The following EPHA6 variants were observed in gnomAD, a reference collection of about 807,000 sequenced individuals.
The protein encoded by EPHA6 is EPH receptor A6.
A neutral mutation model predicts 112.0 loss-of-function variants in EPHA6; 50 were observed. That is an observed-to-expected ratio of 0.45 (90% CI 0.36 to 0.56). The LOEUF (loss-of-function observed/expected upper bound fraction) is 0.56. EPHA6 is among the 20% of genes least tolerant of loss of function. The pLI is 0.00. For synonymous variants in EPHA6, 529 were observed against 490.7 expected, an observed-to-expected ratio of 1.08 and a Z score of -1.03; for missense variants, 1,280 against 1,417.4, an observed-to-expected ratio of 0.90 and a Z score of 1.56.
chr3:96,997,697 T>C (rs2043473897), intron 3 of EPHA6, among the ~76,000 whole-genome samples: 1 of 152,036 alleles, frequency 6.6e-6, no homozygotes, highest in South Asian at 2.1e-4. Context: ...TCATTGATAA[T>C]ATCTGTTATG....
chr3:96,897,207 T>C (rs909397235), intron 2 of EPHA6, among the ~76,000 whole-genome samples: 9 of 132,700 alleles, frequency 6.8e-5, no homozygotes, highest in African/African-American at 3.3e-4. Flanking sequence ...TCTGTGTATA[T>C]ACAAACACAC....
At chr3:96,949,521 A>G (rs920746821) in intron 2 of EPHA6, among the ~76,000 whole-genome samples, 2 of 152,110 alleles carry the variant, frequency 1.3e-5, no homozygotes, top group Admixed American at 6.6e-5. Flanking sequence ...AAGTATATAT[A>G]TAACATTGCT....
At chr3:96,962,165 C>T (rs1246968935) in intron 2 of EPHA6, among the ~76,000 whole-genome samples, 1 of 152,038 alleles carries the variant, frequency 6.6e-6, no homozygotes, top group African/African-American at 2.4e-5. Context: ...AAAACCCAGC[C>T]TTCACACACA....
intron 1 of EPHA6, among the ~76,000 whole-genome samples, chr3:96,844,290 G>A (rs1461926862): frequency 6.6e-6 from 1 of 151,932 alleles, no homozygotes; most frequent in Non-Finnish European, 1.5e-5. Flanking sequence ...TGAAGTTATT[G>A]TGTACCTCAA....
intron 11 of EPHA6, among the ~76,000 whole-genome samples, chr3:97,544,873 T>A (rs531658535): frequency 4.6e-5 from 7 of 152,320 alleles, no homozygotes; most frequent in African/African-American, 1.4e-4. Context: ...TCTAGTTTAT[T>A]TGCATAGAGG....
At position 97,591,008 on chromosome 3, in the gene EPHA6, A is replaced by G. The variant is rs1177572897; in HGVS notation, c.2387-1604A>G. ...GGAAGTTTGTTGCACTACTCCTTGTAAGTTACCTCGGAGTACTTTCTGACT... is the reference window on the plus strand; with the variant it reads ...GGAAGTTTGTTGCACTACTCCTTGTGAGTTACCTCGGAGTACTTTCTGACT... On this transcript the variant is annotated intron_variant, in intron 11 of 17. Transcript: ENST00000389672. 3.9e-5 allele frequency among the ~76,000 whole-genome samples: 6 copies of G among 152,318 alleles called. No individual in the cohort carries two copies. In the East Asian group the frequency reaches 1.2e-3, roughly 29 times the overall value.
chr3:96,923,665 C>A (rs575685626), intron 2 of EPHA6, among the ~76,000 whole-genome samples: 32 of 152,152 alleles, frequency 2.1e-4, no homozygotes, highest in South Asian at 1.0e-3. Context: ...TCTTCTTTTG[C>A]AGTTACTTTT....
intron 5 of EPHA6, among the ~76,000 whole-genome samples, chr3:97,296,582 G>T (rs2080882411): frequency 6.6e-6 from 1 of 152,180 alleles, no homozygotes; most frequent in South Asian, 2.1e-4. Context: ...ATAAGCAGTT[G>T]GCTCTCAGGC....
intron 16 of EPHA6, among the ~76,000 whole-genome samples, chr3:97,742,118 T>C (rs757017551): frequency 1.7e-4 from 26 of 152,162 alleles, no homozygotes; most frequent in South Asian, 2.1e-4. Context: ...TGAATTTTTC[T>C]GGTGCTGGCA....
At chr3:97,374,660 G>A (rs997223958) in intron 5 of EPHA6, among the ~76,000 whole-genome samples, 12 of 151,862 alleles carry the variant, frequency 7.9e-5, no homozygotes, top group South Asian at 2.1e-4. Context: ...CCTGCCGCTC[G>A]CTCATCCTTA....
intron 3 of EPHA6, among the ~76,000 whole-genome samples, chr3:97,014,670 T>C (rs1559669566): frequency 1.3e-5 from 2 of 152,240 alleles, no homozygotes; most frequent in East Asian, 1.9e-4. Context: ...TATCATATAA[T>C]AATTCTGTAC....
rs1280466150 is a variant in EPHA6, at chr3:97,533,849, A to AT, written c.2386+1307dup. ...ACTCCAAGCGGAATGTCAGCACTGAATGCAGCCTTGTGAGTGAACCATCTC... is the reference window on the plus strand; with the variant it reads ...ACTCCAAGCGGAATGTCAGCACTGAATTGCAGCCTTGTGAGTGAACCATCTC... On this transcript the variant is annotated intron_variant, in intron 11 of 17. Transcript: ENST00000389672. Among the ~76,000 whole-genome samples the AT allele has an allele frequency of 6.6e-5, 10 of 152,228 alleles. No individual in the cohort carries two copies. In the East Asian group the frequency reaches 1.9e-3, roughly 29 times the overall value.
intron 2 of EPHA6, among the ~76,000 whole-genome samples, chr3:96,941,904 A>T (rs976490520): frequency 7.0e-6 from 1 of 143,744 alleles, no homozygotes; most frequent in African/African-American, 3.0e-5. Flanking sequence ...CGGTGGCTGT[A>T]GAACAGCGGT....
At chr3:97,562,293 AC>A (rs533074254) in intron 11 of EPHA6, among the ~76,000 whole-genome samples, 47 of 152,296 alleles carry the variant, frequency 3.1e-4, no homozygotes, top group African/African-American at 9.9e-4. Flanking sequence ...GAAATGACTC[AC>A]TATTTTTAGA....
intron 14 of EPHA6, among the ~76,000 whole-genome samples, chr3:97,689,647 A>G (rs1319531168): frequency 6.6e-6 from 1 of 152,154 alleles, no homozygotes; most frequent in East Asian, 1.9e-4. Flanking sequence ...TTAAGATATT[A>G]TTTACATAAC....
intron 14 of EPHA6, among the ~76,000 whole-genome samples, chr3:97,669,738 A>G (rs548728566): frequency 1.3e-5 from 2 of 152,238 alleles, no homozygotes; most frequent in African/African-American, 2.4e-5. Context: ...GTCTAGTAGT[A>G]AGAACCCTAT....
Position 97,191,648 on chromosome 3 carries a change from A to G in EPHA6, c.1115-34616A>G, listed in dbSNP as rs942330345. 7.1e-4 allele frequency among the ~76,000 whole-genome samples: 108 copies of G among 152,210 alleles called. 1 individual carries two copies. The highest frequency in any genetic ancestry group is 2.4e-3 in the African/African-American group (98 of 41,552). ...CATCTATGTTGTTGCAAGTGACAGA[A>G]TCTCATTTTCTTTCACGGCTGACTA... On this transcript the variant is annotated intron_variant, in intron 3 of 17. Transcript: ENST00000389672.
At chr3:97,163,929 A>T (rs2076477087) in intron 3 of EPHA6, among the ~76,000 whole-genome samples, 1 of 152,212 alleles carries the variant, frequency 6.6e-6, no homozygotes, top group Non-Finnish European at 1.5e-5. Context: ...GAAGGAAGAT[A>T]TTCTGCATTT....
At chr3:97,163,265 G>C (rs2076458863) in intron 3 of EPHA6, among the ~76,000 whole-genome samples, 1 of 152,060 alleles carries the variant, frequency 6.6e-6, no homozygotes, top group African/African-American at 2.4e-5. Context: ...AGGCAGGTCT[G>C]GCATTTCCAA....
Sources: gnomAD v4.1 joint callset for allele counts (sites outside exome capture counted in the v4.1 genomes callset) on GRCh38, gnomAD v4.1.1 for gene constraint, MANE v1.5 for transcripts, NCBI Gene and HGNC (gene_info 2026-07-23, HGNC 2026-07-21) for gene names.